The following LYSMD1 variants were observed in gnomAD, a reference collection of about 807,000 sequenced individuals.
LYSMD1 encodes the protein LysM domain containing 1, also known as lysM and putative peptidoglycan-binding domain-containing protein 1.
In LYSMD1, 9 loss-of-function variants were observed where a neutral mutation model predicts 19.3. The observed-to-expected ratio is 0.47, with a 90% CI of 0.28 to 0.81. LYSMD1 has a LOEUF of 0.81. Ranked by LOEUF, LYSMD1 falls within the 40% of genes least tolerant of loss-of-function variation. LYSMD1 has a pLI of 0.11. For synonymous variants in LYSMD1, 111 were observed against 111.7 expected (o/e 0.99, Z 0.04); for missense variants, 262 against 279.8 (o/e 0.94, Z 0.45).
chr1:151,158,877 C>T, downstream of LYSMD1: 1 of 1,614,246 alleles, frequency 6.2e-7, no homozygotes, highest in Non-Finnish European at 8.5e-7. Context: ...AGCGCGTGAT[C>T]AAGGACCTGA....
the LYSMD1 span, among the ~76,000 whole-genome samples, chr1:151,153,950 C>T: frequency 6.7e-5 from 10 of 149,410 alleles, no homozygotes; most frequent in East Asian, 2.0e-3. Flanking sequence ...GAGACTCTGT[C>T]TCAATTGAAG....
At chr1:151,152,625 A>G in the LYSMD1 span, among the ~76,000 whole-genome samples, 9 of 129,420 alleles carry the variant, frequency 7.0e-5, no homozygotes, top group East Asian at 2.6e-4. Flanking sequence ...ACTTGAACCC[A>G]GGAGGCAGAG....
At chr1:151,156,341 TG>T (rs1683222453), downstream of LYSMD1, among the ~76,000 whole-genome samples, 1 of 152,140 alleles carries the variant, frequency 6.6e-6, no homozygotes, top group Non-Finnish European at 1.5e-5. Context: ...CTTTTCCCAC[TG>T]ACCTCCTACC....
At chr1:151,165,038 C>T (rs2101695839) in intron 1 of LYSMD1, 41 bp downstream of exon 1, 2 of 1,565,526 alleles carry the variant, frequency 1.3e-6, no homozygotes, top group African/African-American at 1.3e-5. Context: ...GGACTAAATC[C>T]CTCCTGACTG....
chr1:151,158,493 G>C (rs1433550009), downstream of LYSMD1, among the ~76,000 whole-genome samples: 1 of 151,978 alleles, frequency 6.6e-6, no homozygotes, highest in Admixed American at 6.6e-5. Context: ...GTCAAGATTT[G>C]CTACAGCACT....
chr1:151,162,097 C>A lies in LYSMD1; in HGVS notation c.184G>T (p.Glu62Ter). ...AGGCGGTTTGCACGTTTAATCTGTT[C>A]CATCTTAAAAAAAAAAGTCACCAAA... ...GLALKYGVTM[E>*]QIKRANRLYT... Residue 62 changes from glutamate to a stop codon, truncating the protein, a stop_gained, in exon 2 of 3, where the codon GAA becomes TAA. Coordinates refer to ENST00000368908, the MANE Select transcript of LYSMD1 (RefSeq NM_212551.5). LOFTEE classifies it high-confidence loss of function. The A allele has an allele frequency of 6.4e-7, 1 of 1,560,278 alleles. No homozygotes were observed. The highest frequency in any genetic ancestry group is 8.6e-7 in the Non-Finnish European group (1 of 1,169,344).
Position 151,165,628 on chromosome 1 carries a change from AT to A in LYSMD1, c.-371del, listed in dbSNP as rs1683657048. On this transcript the variant is annotated 5_prime_UTR_variant, in exon 1 of 3. The change abolishes an upstream ATG in the 5' untranslated region. Coordinates refer to ENST00000368908, the MANE Select transcript of LYSMD1 (RefSeq NM_212551.5). ...TAGCCTGGCCTCAGGGCGCTCCAAC[AT>A]CCCAGCTCTCCCCGGTCCCGGGGTT... is the stretch of plus-strand genomic sequence containing the variant. The A allele has an allele frequency of 1.4e-5, 21 of 1,539,548 alleles. No individual in the cohort carries two copies. In the South Asian group the frequency reaches 2.3e-4, roughly 17 times the overall value.
Position 151,165,219 on chromosome 1 carries a change from C to T in LYSMD1, c.40G>A (p.Gly14Arg), listed in dbSNP as rs749821853. 5 of 1,614,132 alleles carry T rather than the reference C, an allele frequency of 3.1e-6. No homozygotes were observed. In the East Asian group the frequency reaches 8.9e-5, roughly 29 times the overall value. The change falls in exon 1 of 3, where the codon GGA (glycine) becomes AGA (arginine). Residue 14 changes from glycine to arginine, a missense_variant. Transcript: ENST00000368908. ...PSRQPPPGGS[G>R]LLQGSRARSY... is the part of the protein sequence containing the mutation. Reference sequence around the variant, plus strand: ...CGAGCCCGGCTCCCTTGAAGCAGTCCTGACCCCCCTGGCGGGGGCTGTCTA... The same window carrying T: ...CGAGCCCGGCTCCCTTGAAGCAGTCTTGACCCCCCTGGCGGGGGCTGTCTA...
rs1392507722 is a variant in LYSMD1 at position 151,160,654 on chromosome 1, A to G, written c.*228T>C. 2.3e-6 allele frequency: 1 copy of G among 429,224 alleles called. No homozygotes were observed. The highest frequency in any genetic ancestry group is 4.2e-6 in the Non-Finnish European group (1 of 235,582). The allele number at this position is 429,224 out of a possible 1,614,324, so 26.6% of individuals were successfully genotyped here. On this transcript the variant is annotated 3_prime_UTR_variant, in exon 3 of 3. Transcript: ENST00000368908. ...GAGCCTTTTGAGTCTAAAGGACTCAACTCTAGATTCAGCCCAAGAACTGGG... is the reference window on the plus strand; with the variant it reads ...GAGCCTTTTGAGTCTAAAGGACTCAGCTCTAGATTCAGCCCAAGAACTGGG...
the LYSMD1 span, among the ~76,000 whole-genome samples, chr1:151,153,974 T>A: frequency 3.3e-5 from 5 of 149,600 alleles, no homozygotes; most frequent in South Asian, 2.1e-4. Flanking sequence ...AAAAAAAAAA[T>A]GAGAGAGAAA....
downstream of LYSMD1, chr1:151,158,671 G>T: frequency 1.3e-6 from 2 of 1,538,280 alleles, no homozygotes; most frequent in South Asian, 2.5e-5. Context: ...TCTAGTGACT[G>T]ACCACATACC....
Position 151,160,765 on chromosome 1 carries a change from T to C in LYSMD1, c.*117A>G. The C allele has an allele frequency of 7.7e-7, 1 of 1,302,136 alleles. No individual in the cohort carries two copies. Among genetic ancestry groups the C allele is most frequent in the Non-Finnish European group, 1.1e-6 (1 of 944,266 alleles). 80.7% of individuals were successfully genotyped at this position (1,302,136 alleles called of 1,614,324 possible). On this transcript the variant is annotated 3_prime_UTR_variant, in exon 3 of 3. Coordinates refer to ENST00000368908, the MANE Select transcript of LYSMD1 (RefSeq NM_212551.5). ...TGGCAGACAAGGAGGCTGGGGAGGATGGCTGGAGTGGAGGGAGGCAGGCTC... is the reference window on the plus strand; with the variant it reads ...TGGCAGACAAGGAGGCTGGGGAGGACGGCTGGAGTGGAGGGAGGCAGGCTC...
At chr1:151,164,860 GCA>G (rs1379326510) in intron 1 of LYSMD1, among the ~76,000 whole-genome samples, 1 of 152,224 alleles carries the variant, frequency 6.6e-6, no homozygotes, top group East Asian at 1.9e-4. Flanking sequence ...GAAGCCCTCA[GCA>G]CAGTGTCTGG....
rs1350866853 is a variant in LYSMD1, at chr1:151,162,113, A to AG, written c.181-14dup. ...TAATCTGTTCCATCTTAAAAAAAAA[A>AG]GTCACCAAAATTAAGGACAGTAATA... On this transcript the variant is annotated splice_polypyrimidine_tract_variant and intron_variant, in intron 1 of 2. Transcript: ENST00000368908. The AG allele has an allele frequency of 6.3e-7, 1 of 1,580,528 alleles. No homozygotes were observed. The highest frequency in any genetic ancestry group is 1.4e-5 in the African/African-American group (1 of 72,056).
At chr1:151,151,698 G>T in the LYSMD1 span, among the ~76,000 whole-genome samples, 1 of 151,744 alleles carries the variant, frequency 6.6e-6, no homozygotes, top group African/African-American at 2.4e-5. Flanking sequence ...GGGAGGCTAA[G>T]GTGGGCAGAT....
the LYSMD1 span, among the ~76,000 whole-genome samples, chr1:151,150,727 T>C: frequency 6.8e-6 from 1 of 147,458 alleles, no homozygotes; most frequent in Non-Finnish European, 1.5e-5. Context: ...TTTTCTTTTC[T>C]TTTCTTTTCT....
At chr1:151,151,819 C>T in the LYSMD1 span, among the ~76,000 whole-genome samples, 1 of 151,462 alleles carries the variant, frequency 6.6e-6, no homozygotes, top group Non-Finnish European at 1.5e-5. Context: ...GTCCCAGCTA[C>T]TCAGGAGGCT....
the LYSMD1 span, among the ~76,000 whole-genome samples, chr1:151,151,757 C>A: frequency 6.6e-6 from 1 of 151,322 alleles, no homozygotes; most frequent in East Asian, 2.0e-4. Flanking sequence ...TAGAGAAACC[C>A]CGTCTCTACT....
chr1:151,160,877 G>A lies in LYSMD1; in HGVS notation c.*5C>T, dbSNP rs752091773. ...TCTTGCTTCTCTCAGTCAGTTCTGG[G>A]GACATCAGAGTTTGAAGATTTCATC... On this transcript the variant is annotated 3_prime_UTR_variant, in exon 3 of 3. Coordinates refer to ENST00000368908, the MANE Select transcript of LYSMD1 (RefSeq NM_212551.5). The A allele has an allele frequency of 1.9e-6, 3 of 1,613,342 alleles. No homozygotes were observed. Among genetic ancestry groups the A allele is most frequent in the Non-Finnish European group, 2.5e-6 (3 of 1,179,412 alleles).
Sources: allele counts gnomAD v4.1 joint callset (sites outside exome capture counted in the v4.1 genomes callset), GRCh38; gene constraint gnomAD v4.1.1; transcripts MANE v1.5; gene names NCBI Gene and HGNC (gene_info 2026-07-23, HGNC 2026-07-21).